Variants in PCM1 observed in about 807,000 individuals in gnomAD.
PCM1 encodes the protein pericentriolar material 1 protein.
PCM1 carries 157 observed loss-of-function variants against 241.9 expected under a neutral mutation model. The observed-to-expected ratio is 0.65, with a 90% confidence interval of 0.57 to 0.74. The LOEUF is 0.74. PCM1 is among the 30% of genes least tolerant of loss of function. The probability of loss-of-function intolerance (pLI) is 0.00; values close to 1 mark genes in which losing one functional copy is unlikely to be tolerated. For missense variants in PCM1, 3,478 were observed against 2,360.1 expected (o/e 1.47, Z -9.81); for synonymous variants, 1,085 against 784.9 (o/e 1.38, Z -6.39).
intron 23 of PCM1, among the ~76,000 whole-genome samples, chr8:17,972,923 T>C (rs2077341244): frequency 6.6e-6 from 1 of 152,212 alleles, no homozygotes. Context: ...TTTTTTGTAC[T>C]TCTTAAAGCT....
chr8:18,024,099 A>AT (rs1260481920), intron 36 of PCM1, among the ~76,000 whole-genome samples: 3 of 152,254 alleles, frequency 2.0e-5, no homozygotes, highest in Non-Finnish European at 4.4e-5. Context: ...AATTGCAAAC[A>AT]TAAGTGAAAC....
chr8:17,933,406 C>A (rs539287544), intron 2 of PCM1, among the ~76,000 whole-genome samples: 2 of 151,902 alleles, frequency 1.3e-5, no homozygotes, highest in African/African-American at 4.8e-5. Flanking sequence ...CTTTTTTTTC[C>A]GATATGTTTA....
rs2092548802 is a variant in PCM1, at chr8:18,011,766, A to C, written c.5450A>C (p.Asp1817Ala). ...EMEEFEEGPV[D>A]VQTSLQANTE... ...GAAGAATTTGAAGAAGGCCCTGTGG[A>C]TGTCCAGACTTCCCTCCAGGCTAAC... Residue 1817 changes from aspartate (D) to alanine (A), a missense_variant, in exon 34 of 39, where the codon GAT (aspartate) becomes GCT (alanine). Coordinates refer to ENST00000325083, the MANE Select transcript of PCM1 (RefSeq NM_006197.4). 6.2e-7 allele frequency: 1 copy of C among 1,613,792 alleles called. No homozygotes were observed. Among genetic ancestry groups the C allele is most frequent in the Non-Finnish European group, 8.5e-7 (1 of 1,179,810 alleles).
chr8:17,962,194 C>G lies in PCM1; in HGVS notation c.2463+20C>G, dbSNP rs368518874. Reference sequence around the variant, plus strand: ...AATGAGGTATTGTAAATTGTACTCTCTTGTTCCTGAGTTAGTCTTTTGTTT... The same window carrying G: ...AATGAGGTATTGTAAATTGTACTCTGTTGTTCCTGAGTTAGTCTTTTGTTT... On this transcript the variant is annotated intron_variant, in intron 16 of 38. Coordinates refer to ENST00000325083, the MANE Select transcript of PCM1 (RefSeq NM_006197.4). 31 of 1,580,900 alleles carry G rather than the reference C, an allele frequency of 2.0e-5. No homozygotes were observed. The African/African-American group carries it at 2.8e-4, about 14-fold the overall frequency.
At chr8:18,013,247 G>T (rs536198724) in intron 34 of PCM1, among the ~76,000 whole-genome samples, 1 of 152,260 alleles carries the variant, frequency 6.6e-6, no homozygotes, top group African/African-American at 2.4e-5. Flanking sequence ...GCATGCACTA[G>T]ATTATTCTGT....
At chr8:17,925,368 C>G (rs962438066) in intron 2 of PCM1, 3 of 152,096 alleles carry the variant, frequency 2.0e-5, no homozygotes, top group Non-Finnish European at 4.4e-5. Flanking sequence ...TGTAAGTTCA[C>G]TAGGAGAAGT....
chr8:17,950,806 A>C (rs139249353), intron 8 of PCM1, 82 bp downstream of exon 8: 1 of 783,048 alleles, frequency 1.3e-6, no homozygotes, highest in Admixed American at 2.2e-5. Flanking sequence ...GTGAGCATAC[A>C]TATCACCTGG....
At chr8:17,998,285 A>G (rs767986474) in intron 29 of PCM1, among the ~76,000 whole-genome samples, 3 of 151,954 alleles carry the variant, frequency 2.0e-5, no homozygotes, top group Non-Finnish European at 4.4e-5. Flanking sequence ...AGAGTTATAT[A>G]TAGGCCTTGT....
At chr8:18,018,871 T>C (rs867478589) in intron 36 of PCM1, among the ~76,000 whole-genome samples, 93 of 63,912 alleles carry the variant, frequency 1.5e-3, no homozygotes, top group Middle Eastern at 0.011. Flanking sequence ...TATATATATA[T>C]ATATATATAC....
intron 6 of PCM1, among the ~76,000 whole-genome samples, chr8:17,946,419 T>C (rs2063781056): frequency 6.6e-6 from 1 of 152,192 alleles, no homozygotes; most frequent in Non-Finnish European, 1.5e-5. Context: ...TTTCAGTCCT[T>C]TGTTAGAAAT....
chr8:18,011,875 A>G (rs1401929481), intron 34 of PCM1, 48 bp downstream of exon 34: 1 of 1,488,778 alleles, frequency 6.7e-7, no homozygotes, highest in Non-Finnish European at 9.0e-7. Context: ...ATTTTAACTA[A>G]TCAAACTTCC....
At chr8:18,010,054 G>T (rs1395080518) in intron 31 of PCM1, among the ~76,000 whole-genome samples, 1 of 152,210 alleles carries the variant, frequency 6.6e-6, no homozygotes, top group Non-Finnish European at 1.5e-5. Context: ...TCCTGGGCCA[G>T]TGCCAGGTGC....
intron 12 of PCM1, 43 bp downstream of exon 12, chr8:17,957,464 T>A: frequency 1.2e-6 from 2 of 1,608,150 alleles, no homozygotes; most frequent in South Asian, 1.1e-5. Context: ...TGTGTTATTC[T>A]TACAAAGTGG....
chr8:17,953,520 TAAAG>T (rs910866710), intron 9 of PCM1, among the ~76,000 whole-genome samples: 128 of 152,182 alleles, frequency 8.4e-4, no homozygotes, highest in African/African-American at 2.9e-3. Flanking sequence ...AATTTTCCCT[TAAAG>T]AAAAGTTAAT....
At chr8:18,016,960 T>C (rs1268019338) in intron 36 of PCM1, among the ~76,000 whole-genome samples, 1 of 152,174 alleles carries the variant, frequency 6.6e-6, no homozygotes, top group Admixed American at 6.5e-5. Flanking sequence ...CAAAACAGTT[T>C]GCTGAGGAAT....
At chr8:18,021,720 A>C (rs549209648) in intron 36 of PCM1, among the ~76,000 whole-genome samples, 1 of 152,310 alleles carries the variant, frequency 6.6e-6, no homozygotes, top group South Asian at 2.1e-4. Context: ...AAATTAGCTA[A>C]ATTGTCAGCT....
rs530060344 is a variant in PCM1 at position 18,016,889 on chromosome 8, T to C, written c.5841+2049T>C. Among the ~76,000 whole-genome samples the C allele has an allele frequency of 2.2e-4, 34 of 152,344 alleles. No individual in the cohort carries two copies. In the South Asian group the frequency reaches 6.8e-3, roughly 31 times the overall value. On this transcript the variant is annotated intron_variant, in intron 36 of 38. Transcript: ENST00000325083. ...TCTGGCTCCTGTAAGTACTTTTACT[T>C]CTGGGTCAAAAGCTGAACTCAGAGC... is the stretch of plus-strand genomic sequence containing the variant.
At position 17,972,450 on chromosome 8, in the gene PCM1, A is replaced by G. The variant is rs2077165905; in HGVS notation, c.3706A>G (p.Thr1236Ala). The G allele has an allele frequency of 1.2e-6, 2 of 1,613,406 alleles. No homozygotes were observed. Among genetic ancestry groups the G allele is most frequent in the Non-Finnish European group, 1.7e-6 (2 of 1,179,626 alleles). ...ATTTTCAGTGTCTGTAGAAAAATCT[A>G]CAAGTAGTAACCGCAAAAATCAATT... ...TGFSVSVEKSTSSNRKNQLDT... is the reference protein window; with the variant it reads ...TGFSVSVEKSASSNRKNQLDT... Residue 1236 changes from threonine to alanine, a missense_variant, in exon 23 of 39, where the codon ACA (threonine) becomes GCA (alanine). Transcript: ENST00000325083.
chr8:17,963,352 G>A (rs968029443), intron 17 of PCM1, 61 bp downstream of exon 17: 1 of 1,270,216 alleles, frequency 7.9e-7, no homozygotes, highest in South Asian at 1.4e-5. Context: ...TGACCTGTAG[G>A]CTAGGCAGCC....
Sources: gnomAD v4.1 joint callset for allele counts (sites outside exome capture counted in the v4.1 genomes callset) on GRCh38, gnomAD v4.1.1 for gene constraint, MANE v1.5 for transcripts, NCBI Gene and HGNC (gene_info 2026-07-23, HGNC 2026-07-21) for gene names.